COQ6: variants seen among roughly 807,000 people sequenced by gnomAD.
The protein encoded by COQ6 is ubiquinone biosynthesis monooxygenase COQ6, mitochondrial.
Under a neutral mutation model 55.5 loss-of-function variants are expected in COQ6, and 45 were observed. The observed-to-expected ratio is 0.81, with a 90% CI of 0.64 to 1.04. The LOEUF is 1.04. Among genes scored for constraint, COQ6 ranks in the 50% least tolerant of loss-of-function variants. The probability of loss-of-function intolerance (pLI) is 0.00; values close to 1 mark genes in which losing one functional copy is unlikely to be tolerated. For missense variants in COQ6, 550 were observed against 601.3 expected (o/e 0.91, Z 0.89); for synonymous variants, 206 against 230.5 (o/e 0.89, Z 0.96).
intron 5 of COQ6, 49 bp downstream of exon 5, chr14:73,958,326 A>G: frequency 6.2e-7 from 1 of 1,612,096 alleles, no homozygotes; most frequent in Non-Finnish European, 8.5e-7. Flanking sequence ...TCTACATCTT[A>G]TCCTAGATTC....
At chr14:73,954,865 C>T (rs1456844036) in intron 2 of COQ6, among the ~76,000 whole-genome samples, 1 of 141,308 alleles carries the variant, frequency 7.1e-6, no homozygotes, top group East Asian at 2.0e-4. Flanking sequence ...AAAAAAAATA[C>T]ATGGATTTGG....
intron 2 of COQ6, among the ~76,000 whole-genome samples, chr14:73,954,953 T>A (rs867926711): frequency 2.2e-4 from 27 of 124,758 alleles, no homozygotes; most frequent in Admixed American, 4.3e-4. Flanking sequence ...TTTTTTATTT[T>A]ATTTTTTTTT....
At chr14:73,955,138 GAA>G (rs1326208840) in intron 2 of COQ6, among the ~76,000 whole-genome samples, 1 of 151,504 alleles carries the variant, frequency 6.6e-6, no homozygotes, top group Non-Finnish European at 1.5e-5. Context: ...ATTTTTTAGT[GAA>G]GATGAGGTTT....
intron 4 of COQ6, 110 bp downstream of exon 4, chr14:73,956,038 C>G: frequency 6.6e-7 from 1 of 1,523,414 alleles, no homozygotes; most frequent in Middle Eastern, 1.9e-4. Flanking sequence ...AAGAAATCCT[C>G]TGATGGCCGG....
Position 73,950,337 on chromosome 14 carries a change from C to T in COQ6, c.5C>T (p.Ala2Val), listed in dbSNP as rs1306863995. 4.5e-6 allele frequency: 7 copies of T among 1,550,910 alleles called. No individual in the cohort carries two copies. The highest frequency in any genetic ancestry group is 3.5e-5 in the South Asian group (3 of 84,956). The change falls in exon 1 of 12, where the codon GCG becomes GTG. Residue 2 changes from alanine to valine, a missense_variant. Ala to Val is a moderately conservative substitution (Grantham distance 64). Transcript: ENST00000334571. M[A>V]ARLVSRCGAV... is the part of the protein sequence containing the mutation. The stretch of plus-strand genomic sequence containing the variant: ...GCGACGGCGCAGGTCTGCACCATGG[C>T]GGCCCGGCTTGTCAGCCGATGCGGG...
At chr14:73,961,100 G>T (rs1160765460) in intron 8 of COQ6, 73 bp from the exon 9 acceptor site, 4 of 1,517,372 alleles carry the variant, frequency 2.6e-6, no homozygotes, top group Non-Finnish European at 3.6e-6. Context: ...TACAAACAAG[G>T]TTTCTTTATT....
Position 73,953,419 on chromosome 14 carries a change from A to ATT in COQ6, c.164-13_164-12dup. 8.5e-6 allele frequency: 13 copies of ATT among 1,528,236 alleles called. No homozygotes were observed. Among genetic ancestry groups the ATT allele is most frequent in the African/African-American group, 2.8e-5 (2 of 72,072 alleles). The allele number at this position is 1,528,236 out of a possible 1,614,324, so 94.7% of individuals were successfully genotyped here. A position where few individuals can be genotyped will look rare whatever the true frequency, so the allele number is the denominator to read the frequency against. On this transcript the variant is annotated splice_polypyrimidine_tract_variant and intron_variant, in intron 1 of 11. Coordinates refer to ENST00000334571, the MANE Select transcript of COQ6 (RefSeq NM_182476.3). ...TCTTGATTTTCCTAAGATGATATAA[A>ATT]TTTTCTTTTTTTAAGGATATGATAT...
At chr14:73,961,954 T>C (rs759837082) in intron 11 of COQ6, 51 bp downstream of exon 11, 1 of 1,603,592 alleles carries the variant, frequency 6.2e-7, no homozygotes. Flanking sequence ...TAATTTCTTT[T>C]GCTTTTTTTT....
chr14:73,952,877 A>G (rs2056255234), intron 1 of COQ6, among the ~76,000 whole-genome samples: 1 of 152,014 alleles, frequency 6.6e-6, no homozygotes. Flanking sequence ...GGGTTTCACC[A>G]TGTTGGCTAG....
chr14:73,958,337 T>C (rs770956385), intron 5 of COQ6, 60 bp downstream of exon 5: 2 of 1,611,344 alleles, frequency 1.2e-6, no homozygotes, highest in Non-Finnish European at 1.7e-6. Context: ...TCCTAGATTC[T>C]AGGGACTCTG....
upstream of COQ6, chr14:73,949,989 G>A (rs772684863): frequency 1.9e-6 from 3 of 1,613,398 alleles, no homozygotes; most frequent in Non-Finnish European, 2.5e-6. Flanking sequence ...GCTCCCCTCC[G>A]CGCCTCCGGG....
upstream of COQ6, chr14:73,949,989 G>C (rs772684863): frequency 4.3e-6 from 7 of 1,613,280 alleles, no homozygotes; most frequent in South Asian, 5.5e-5. Context: ...GCTCCCCTCC[G>C]CGCCTCCGGG....
At position 73,961,731 on chromosome 14, in the gene COQ6, C is replaced by T; in HGVS notation, c.1211-6C>T. 6.2e-7 allele frequency: 1 copy of T among 1,614,114 alleles called. No homozygotes were observed. Among genetic ancestry groups the T allele is most frequent in the South Asian group, 1.1e-5 (1 of 91,082 alleles). On this transcript the variant is annotated splice_polypyrimidine_tract_variant and splice_region_variant and intron_variant, in intron 10 of 11. Coordinates refer to ENST00000334571, the MANE Select transcript of COQ6 (RefSeq NM_182476.3). Reference sequence around the variant, plus strand: ...TTAGGGATTTAATCTTTCCTCTGCCCTTCAGGTTCCGTGAGCCACCTCACA... The same window carrying T: ...TTAGGGATTTAATCTTTCCTCTGCCTTTCAGGTTCCGTGAGCCACCTCACA...
Position 73,950,667 on chromosome 14 carries a change from A to G in COQ6, c.163+172A>G. On this transcript the variant is annotated intron_variant, in intron 1 of 11. Coordinates refer to ENST00000334571, the MANE Select transcript of COQ6 (RefSeq NM_182476.3). ...CACGCCGGAATGCGTGTGGTCCTTC[A>G]GGGTCCATTAGGGTCAAAAGTGGGA... 6 of 949,792 alleles carry G rather than the reference A, an allele frequency of 6.3e-6. 1 individual carries two copies. In the South Asian group the frequency reaches 1.0e-4, roughly 16 times the overall value. 58.8% of individuals were successfully genotyped at this position (949,792 alleles called of 1,614,324 possible).
At chr14:73,950,911 A>G (rs2056165057) in intron 1 of COQ6, among the ~76,000 whole-genome samples, 1 of 152,178 alleles carries the variant, frequency 6.6e-6, no homozygotes, top group South Asian at 2.1e-4. Flanking sequence ...TTTATTGGTC[A>G]TTTGTATATC....
At chr14:73,949,985 C>T, upstream of COQ6, 2 of 1,613,536 alleles carry the variant, frequency 1.2e-6, no homozygotes, top group Non-Finnish European at 1.7e-6. Context: ...GACGGCTCCC[C>T]TCCGCGCCTC....
chr14:73,961,793 C>G lies in COQ6; in HGVS notation c.1267C>G (p.Leu423Val). 2 of 1,614,180 alleles carry G rather than the reference C, an allele frequency of 1.2e-6. No individual in the cohort carries two copies. Among genetic ancestry groups the G allele is most frequent in the Non-Finnish European group, 1.7e-6 (2 of 1,180,028 alleles). Reference sequence around the variant, plus strand: ...AGAAAGACAGCGTCACAACACTGCTCTTCTGGCTGCTACAGACTTACTAAA... The same window carrying G: ...AGAAAGACAGCGTCACAACACTGCTGTTCTGGCTGCTACAGACTTACTAAA... ...ETERQRHNTA[L>V]LAATDLLKRL... Residue 423 changes from leucine (L) to valine (V), a missense_variant, in exon 11 of 12, where the codon CTT becomes GTT. Transcript: ENST00000334571.
At chr14:73,962,181 C>T (rs983687446) in intron 11 of COQ6, among the ~76,000 whole-genome samples, 5 of 151,870 alleles carry the variant, frequency 3.3e-5, no homozygotes, top group African/African-American at 1.2e-4. Context: ...CTCCTGACCT[C>T]GTGATCTGCC....
Position 73,950,669 on chromosome 14 carries a change from G to C in COQ6, c.163+174G>C, listed in dbSNP as rs1594783086. 2.3e-5 allele frequency: 22 copies of C among 951,452 alleles called. No individual in the cohort carries two copies. The East Asian group carries it at 5.9e-4, about 25-fold the overall frequency. The allele number at this position is 951,452 out of a possible 1,614,324, so 58.9% of individuals were successfully genotyped here. A position where few individuals can be genotyped will look rare whatever the true frequency, so the allele number is the denominator to read the frequency against. On this transcript the variant is annotated intron_variant, in intron 1 of 11. Transcript: ENST00000334571. The stretch of plus-strand genomic sequence containing the variant: ...CGCCGGAATGCGTGTGGTCCTTCAG[G>C]GTCCATTAGGGTCAAAAGTGGGAGG...
Sources: gnomAD v4.1 joint callset for allele counts (sites outside exome capture counted in the v4.1 genomes callset) on GRCh38, gnomAD v4.1.1 for gene constraint, MANE v1.5 for transcripts, NCBI Gene and HGNC (gene_info 2026-07-23, HGNC 2026-07-21) for gene names.